The following ITGA8 variants were observed in gnomAD, a reference collection of about 807,000 sequenced individuals.
ITGA8 encodes the protein integrin subunit alpha 8, also known as integrin alpha-8.
A neutral mutation model predicts 142.3 loss-of-function variants in ITGA8; 91 were observed. That is an observed-to-expected ratio of 0.64 (90% CI 0.54 to 0.76). The LOEUF (loss-of-function observed/expected upper bound fraction) is 0.76, where lower values mean the gene tolerates loss of function less well. Ranked by LOEUF, ITGA8 falls within the 30% of genes least tolerant of loss-of-function variation. The pLI, the probability that ITGA8 is intolerant of heterozygous loss-of-function variation, is 0.00. For synonymous variants in ITGA8, 505 were observed against 485.2 expected (o/e 1.04, Z -0.54); for missense variants, 1,406 against 1,327.7 (o/e 1.06, Z -0.92).
chr10:15,525,958 A>G (rs933885304), intron 28 of ITGA8, among the ~76,000 whole-genome samples: 6 of 152,224 alleles, frequency 3.9e-5, no homozygotes, highest in Non-Finnish European at 8.8e-5. Flanking sequence ...AGTGAAATGT[A>G]GTCCTGTGAA....
intron 27 of ITGA8, among the ~76,000 whole-genome samples, chr10:15,539,290 T>G (rs925843740): frequency 1.3e-5 from 2 of 152,142 alleles, no homozygotes; most frequent in African/African-American, 4.8e-5. Context: ...ATAAAAGGTA[T>G]CAAAACACCT....
intron 3 of ITGA8, among the ~76,000 whole-genome samples, chr10:15,685,050 T>A (rs1462717303): frequency 6.6e-6 from 1 of 152,208 alleles, no homozygotes; most frequent in African/African-American, 2.4e-5. Flanking sequence ...ATGGCAAAAC[T>A]GAAAGTAGAA....
chr10:15,661,446 G>A (rs765031917), intron 8 of ITGA8, among the ~76,000 whole-genome samples: 22 of 152,124 alleles, frequency 1.4e-4, no homozygotes, highest in Non-Finnish European at 2.5e-4. Flanking sequence ...AGGGCTTTGC[G>A]TTTACTGTTC....
intron 2 of ITGA8, among the ~76,000 whole-genome samples, chr10:15,715,518 C>T (rs528157958): frequency 1.3e-4 from 20 of 152,320 alleles, no homozygotes; most frequent in African/African-American, 4.6e-4. Context: ...GCCTCTACCA[C>T]CTACCACTGT....
chr10:15,667,673 T>A (rs1456944176), intron 8 of ITGA8, among the ~76,000 whole-genome samples: 1 of 151,788 alleles, frequency 6.6e-6, no homozygotes, highest in Non-Finnish European at 1.5e-5. Flanking sequence ...TAAATTTCCC[T>A]CTACACACTG....
chr10:15,589,809 C>G (rs189677215), intron 22 of ITGA8, among the ~76,000 whole-genome samples: 1 of 145,948 alleles, frequency 6.9e-6, no homozygotes, highest in Admixed American at 7.0e-5. Flanking sequence ...ATCACCCTGA[C>G]TGGAGTGCAG....
chr10:15,635,296 C>A (rs778827070), intron 13 of ITGA8, among the ~76,000 whole-genome samples: 5 of 152,094 alleles, frequency 3.3e-5, no homozygotes, highest in African/African-American at 9.7e-5. Flanking sequence ...TAAGCCACTG[C>A]GCCCGGCCTT....
At chr10:15,517,328 AT>A (rs373105081) in intron 29 of ITGA8, 84 bp from the exon 30 acceptor site, 134,663 of 673,512 alleles carry the variant, frequency 0.2, no homozygotes, top group South Asian at 0.31. Flanking sequence ...CACTTTATGT[AT>A]TTTTTTTTTT....
At chr10:15,666,078 G>A (rs2131678367) in intron 8 of ITGA8, among the ~76,000 whole-genome samples, 1 of 152,306 alleles carries the variant, frequency 6.6e-6, no homozygotes, top group East Asian at 1.9e-4. Context: ...GCTTGATGGG[G>A]ATGGCATTGA....
intron 15 of ITGA8, among the ~76,000 whole-genome samples, chr10:15,612,442 G>C (rs1833315142): frequency 6.6e-6 from 1 of 152,172 alleles, no homozygotes; most frequent in Admixed American, 6.5e-5. Context: ...TGAAAAATAA[G>C]GGCAAAATAT....
chr10:15,598,075 C>A (rs927437786), intron 20 of ITGA8, among the ~76,000 whole-genome samples: 3 of 152,046 alleles, frequency 2.0e-5, no homozygotes, highest in African/African-American at 7.2e-5. Context: ...CTACCCTATT[C>A]TTTTCCCATA....
chr10:15,592,268 C>G lies in ITGA8; in HGVS notation c.2248G>C (p.Glu750Gln). The change falls in exon 22 of 30, where the codon GAG becomes CAG. Residue 750 changes from glutamate (E) to glutamine (Q), a missense_variant. Glu to Gln is a conservative substitution (Grantham distance 29). Coordinates refer to ENST00000378076, the MANE Select transcript of ITGA8 (RefSeq NM_003638.3). The stretch of plus-strand genomic sequence containing the variant: ...AAGTTAATGCTCATGTTTGTTTTCT[C>G]AAGACGTGGAACTGCAAATCGGAGG... ...LGLRFAVPRL[E>Q]KTNMSINFDL... The G allele has an allele frequency of 1.2e-6, 2 of 1,613,846 alleles. No homozygotes were observed. The highest frequency in any genetic ancestry group is 1.7e-6 in the Non-Finnish European group (2 of 1,179,784).
At chr10:15,635,003 CTTTTTTTTTTTTT>C (rs915334219) in intron 13 of ITGA8, among the ~76,000 whole-genome samples, 1 of 107,234 alleles carries the variant, frequency 9.3e-6, no homozygotes, top group South Asian at 3.2e-4. Context: ...TTCTTTCTTT[CTTTTTTTTTTTTT>C]TTTTTTTTGG....
chr10:15,693,630 T>C (rs555847416), intron 2 of ITGA8, among the ~76,000 whole-genome samples: 17 of 152,198 alleles, frequency 1.1e-4, no homozygotes, highest in African/African-American at 3.4e-4. Flanking sequence ...GCTTGGAAGA[T>C]GATAGAATTT....
At chr10:15,575,780 A>C (rs961014371) in intron 23 of ITGA8, among the ~76,000 whole-genome samples, 186 bp from the exon 24 acceptor site, 1 of 152,248 alleles carries the variant, frequency 6.6e-6, no homozygotes, top group Non-Finnish European at 1.5e-5. Context: ...GAAGGATCTG[A>C]AACTGCTAGT....
chr10:15,553,140 C>T (rs1264884098), intron 26 of ITGA8, among the ~76,000 whole-genome samples: 2 of 152,040 alleles, frequency 1.3e-5, no homozygotes, highest in African/African-American at 4.8e-5. Context: ...ACCTGTAGTT[C>T]CAGCTACTCA....
intron 27 of ITGA8, among the ~76,000 whole-genome samples, chr10:15,533,972 T>C (rs1380136326): frequency 6.6e-6 from 1 of 151,436 alleles, no homozygotes; most frequent in Non-Finnish European, 1.5e-5. Context: ...AATGGTGTGA[T>C]CTCGGCTCAC....
chr10:15,608,352 C>G, intron 15 of ITGA8, 62 bp from the exon 16 acceptor site: 1 of 952,546 alleles, frequency 1.0e-6, no homozygotes, highest in African/African-American at 1.7e-5. Context: ...AGAAGCCTTC[C>G]TTTACCTAAT....
In ITGA8 at chr10:15,687,306, C is replaced by T. The variant is rs142562529; in HGVS notation, c.444+632G>A. Among the ~76,000 whole-genome samples the T allele has an allele frequency of 9.6e-3, 1,448 of 151,564 alleles. 32 individuals are homozygous for T. Among genetic ancestry groups the T allele is most frequent in the African/African-American group, 0.033 (1,364 of 41,314 alleles). On this transcript the variant is annotated intron_variant, in intron 3 of 29. Transcript: ENST00000378076. Reference sequence around the variant, plus strand: ...TTAAAGCCAATAGGTTGAAAAAATCCCCAAACTAAAAAAGACTTCCAGATT... The same window carrying T: ...TTAAAGCCAATAGGTTGAAAAAATCTCCAAACTAAAAAAGACTTCCAGATT...
Sources: allele counts gnomAD v4.1 joint callset (sites outside exome capture counted in the v4.1 genomes callset), GRCh38; gene constraint gnomAD v4.1.1; transcripts MANE v1.5; gene names NCBI Gene and HGNC (gene_info 2026-07-23, HGNC 2026-07-21).